DPF3: variants seen among roughly 807,000 people sequenced by gnomAD.
DPF3 encodes zinc finger protein DPF3.
A neutral mutation model predicts 56.8 loss-of-function variants in DPF3; 18 were observed. That is an observed-to-expected ratio of 0.32 (90% CI 0.22 to 0.47). The LOEUF is 0.47. Among genes scored for constraint, DPF3 ranks in the 20% least tolerant of loss-of-function variants. The pLI is 1.00. For synonymous variants in DPF3, 188 were observed against 180.2 expected, an observed-to-expected ratio of 1.04 and a Z score of -0.35; for missense variants, 403 against 488.8, an observed-to-expected ratio of 0.82 and a Z score of 1.65.
chr14:72,665,017 G>A lies in DPF3; in HGVS notation c.871+9223C>T, dbSNP rs528297645. Among the ~76,000 whole-genome samples the A allele has an allele frequency of 1.1e-4, 17 of 152,274 alleles. No homozygotes were observed. In the East Asian group the frequency reaches 3.3e-3, roughly 29 times the overall value. On this transcript the variant is annotated intron_variant, in intron 8 of 10. Transcript: ENST00000556509. ...GGGTTAGGTTGTGATTCCCAGCTTT[G>A]CTTTTTGTTCGAATATTATCTCCAT...
chr14:72,675,611 C>G (rs1047680217), intron 7 of DPF3: 2 of 152,234 alleles, frequency 1.3e-5, no homozygotes, highest in Non-Finnish European at 2.9e-5. Flanking sequence ...CCTCTGGCCT[C>G]CACTTCCTCC....
At chr14:72,881,698 A>C (rs1046288679) in intron 1 of DPF3, among the ~76,000 whole-genome samples, 3 of 152,178 alleles carry the variant, frequency 2.0e-5, no homozygotes, top group Non-Finnish European at 4.4e-5. Context: ...GAAGAGAGTT[A>C]ATTAAAAGCA....
rs1349633449 is a variant in DPF3 at position 72,723,664 on chromosome 14, A to G, written c.494T>C (p.Ile165Thr). The change falls in exon 5 of 11, where the codon ATT (isoleucine) becomes ACT (threonine). Residue 165 changes from isoleucine (I) to threonine (T), a missense_variant. Ile to Thr is a moderately conservative substitution (Grantham distance 89). This residue lies in a region of DPF3 where 340 missense variants were observed against 374.3 expected (regional missense o/e 0.91). Transcript: ENST00000556509. ...TCTAGTCCTGTTCTTTCGCTTGGGA[A>G]TATCCTCTTCCAAATCCTCTTCTTC... The part of the protein sequence containing the change: ...GNEEEDLEED[I>T]PKRKNRTRGR... 26 of 1,591,536 alleles carry G rather than the reference A, an allele frequency of 1.6e-5. No individual in the cohort carries two copies. The highest frequency in any genetic ancestry group is 2.2e-5 in the Non-Finnish European group (26 of 1,172,842).
At chr14:72,790,945 C>T (rs781686152) in intron 1 of DPF3, among the ~76,000 whole-genome samples, 1 of 152,162 alleles carries the variant, frequency 6.6e-6, no homozygotes, top group Non-Finnish European at 1.5e-5. Flanking sequence ...GCCATTTGCC[C>T]TCTTCCCTCT....
chr14:72,843,788 C>T (rs12889140), intron 1 of DPF3, among the ~76,000 whole-genome samples: 30,935 of 152,192 alleles, frequency 0.2, 3,841 homozygotes, highest in Middle Eastern at 0.35. Context: ...GTGATCCACC[C>T]GCCTCAGCCT....
At position 72,873,104 on chromosome 14, in the gene DPF3, G is replaced by A. The variant is rs999265447; in HGVS notation, c.32+20953C>T. On this transcript the variant is annotated intron_variant, in intron 1 of 10. Coordinates refer to ENST00000556509, the MANE Select transcript of DPF3 (RefSeq NM_001280542.3). ...AAATAAACTAAAGAGCTTCTGCACA[G>A]CAAAAGAAACTACCATCAGAGTGAA... is the stretch of plus-strand genomic sequence containing the variant. Among the ~76,000 whole-genome samples, 381 of 152,224 alleles carry A rather than the reference G, an allele frequency of 2.5e-3. 1 individual carries two copies. The highest frequency in any genetic ancestry group is 4.2e-3 in the Non-Finnish European group (285 of 67,988).
chr14:72,746,581 C>G (rs1890332724), intron 3 of DPF3, among the ~76,000 whole-genome samples: 1 of 152,236 alleles, frequency 6.6e-6, no homozygotes, highest in Non-Finnish European at 1.5e-5. Flanking sequence ...CATTCCAGCC[C>G]CGGCTGTTCA....
intron 1 of DPF3, among the ~76,000 whole-genome samples, chr14:72,833,834 T>C (rs1884167068): frequency 6.6e-6 from 1 of 152,118 alleles, no homozygotes. Context: ...AAATGGCCAA[T>C]AGACACATGA....
At chr14:72,879,958 C>T (rs1399135603) in intron 1 of DPF3, 2 of 1,479,838 alleles carry the variant, frequency 1.4e-6, no homozygotes, top group African/African-American at 2.8e-5. Flanking sequence ...CTGTGATTGC[C>T]AAAGAAAGGT....
chr14:72,665,916 T>A (rs1441250099), intron 8 of DPF3, among the ~76,000 whole-genome samples: 1 of 152,238 alleles, frequency 6.6e-6, no homozygotes, highest in Admixed American at 6.5e-5. Flanking sequence ...GTAAATTTTT[T>A]AAAAAGCCAT....
chr14:72,636,784 A>G (rs148388004), intron 8 of DPF3, among the ~76,000 whole-genome samples: 179 of 152,310 alleles, frequency 1.2e-3, no homozygotes, highest in African/African-American at 4.2e-3. Context: ...GATGATCACA[A>G]TGGCACTCCA....
At chr14:72,685,778 T>A (rs367710148) in intron 7 of DPF3, among the ~76,000 whole-genome samples, 230 of 152,338 alleles carry the variant, frequency 1.5e-3, no homozygotes, top group Middle Eastern at 0.01. Context: ...TGCTGTTTGG[T>A]ATGTGGGTCT....
chr14:72,865,537 G>C (rs1309754512), intron 1 of DPF3, among the ~76,000 whole-genome samples: 1 of 152,182 alleles, frequency 6.6e-6, no homozygotes, highest in Non-Finnish European at 1.5e-5. Context: ...GCTGAGAGCA[G>C]AGAGATGGAA....
At position 72,672,713 on chromosome 14, in the gene DPF3, C is replaced by T. The variant is rs181768984; in HGVS notation, c.871+1527G>A. 7.9e-5 allele frequency among the ~76,000 whole-genome samples: 12 copies of T among 152,216 alleles called. No homozygotes were observed. In the South Asian group the frequency reaches 2.1e-3, roughly 26 times the overall value. On this transcript the variant is annotated intron_variant, in intron 8 of 10. Coordinates refer to ENST00000556509, the MANE Select transcript of DPF3 (RefSeq NM_001280542.3). Reference sequence around the variant, plus strand: ...CATCCCATGGCTTCGATTCTAGCACCCCTCTTTTGTAAGAAAGGAAGGGGA... The same window carrying T: ...CATCCCATGGCTTCGATTCTAGCACTCCTCTTTTGTAAGAAAGGAAGGGGA...
intron 1 of DPF3, among the ~76,000 whole-genome samples, chr14:72,874,360 T>A (rs1347504148): frequency 6.6e-6 from 1 of 151,824 alleles, no homozygotes; most frequent in Admixed American, 6.6e-5. Context: ...ACACCTATAG[T>A]CCCAGCTACT....
chr14:72,757,422 T>C (rs1194994037), intron 2 of DPF3, among the ~76,000 whole-genome samples: 1 of 152,100 alleles, frequency 6.6e-6, no homozygotes, highest in African/African-American at 2.4e-5. Context: ...GTTATACCAA[T>C]TTGTCCACCC....
intron 5 of DPF3, among the ~76,000 whole-genome samples, chr14:72,718,298 T>C (rs1889015014): frequency 6.6e-6 from 1 of 152,196 alleles, no homozygotes; most frequent in South Asian, 2.1e-4. Context: ...TGAAAGACCC[T>C]TGACTAGGAC....
chr14:72,762,877 T>C (rs1010391102), intron 2 of DPF3, among the ~76,000 whole-genome samples: 4 of 151,944 alleles, frequency 2.6e-5, no homozygotes, highest in African/African-American at 9.7e-5. Context: ...TGCTACAGAA[T>C]CTATAGAAAG....
intron 1 of DPF3, among the ~76,000 whole-genome samples, chr14:72,829,824 A>C (rs547545505): frequency 3.3e-4 from 49 of 146,676 alleles, no homozygotes; most frequent in Non-Finnish European, 5.4e-4. Context: ...GCTCATTGCA[A>C]CCTCACCTCC....
Sources: allele counts gnomAD v4.1 joint callset (sites outside exome capture counted in the v4.1 genomes callset), GRCh38; gene constraint gnomAD v4.1.1; regional missense constraint gnomAD v4.1.1; transcripts MANE v1.5; gene names NCBI Gene and HGNC (gene_info 2026-07-23, HGNC 2026-07-21).